Variants in LHFPL3 observed in about 807,000 individuals in gnomAD.
The protein encoded by LHFPL3 is LHFPL tetraspan subfamily member 3, also known as LHFPL tetraspan subfamily member 3 protein.
A neutral mutation model predicts 19.3 loss-of-function variants in LHFPL3; 5 were observed. That is an observed-to-expected ratio of 0.26 (90% confidence interval 0.14 to 0.54). LHFPL3 has a LOEUF of 0.54. Ranked by LOEUF, LHFPL3 falls within the 20% of genes least tolerant of loss-of-function variation. The pLI is 0.94. For synonymous variants in LHFPL3, 133 were observed against 126.2 expected (o/e 1.05, Z -0.36); for missense variants, 249 against 307.4 (o/e 0.81, Z 1.42).
At chr7:104,828,486 C>T (rs1420904320) in intron 2 of LHFPL3, among the ~76,000 whole-genome samples, 3 of 151,900 alleles carry the variant, frequency 2.0e-5, no homozygotes, top group African/African-American at 4.9e-5. Flanking sequence ...ACCAAGAGAC[C>T]CAGATGCCCA....
At chr7:104,579,109 C>G (rs1790403763) in intron 1 of LHFPL3, among the ~76,000 whole-genome samples, 1 of 152,106 alleles carries the variant, frequency 6.6e-6, no homozygotes, top group Non-Finnish European at 1.5e-5. Context: ...ATTATTTTAA[C>G]TGTAGTATTC....
At chr7:104,623,014 G>T in intron 1 of LHFPL3, 2 of 375,672 alleles carry the variant, frequency 5.3e-6, no homozygotes, top group African/African-American at 2.1e-5. Context: ...TTTTTGATTT[G>T]CATTTCCCTG....
At chr7:104,736,544 T>G in intron 1 of LHFPL3, 131 bp from the exon 2 acceptor site, 36 of 647,052 alleles carry the variant, frequency 5.6e-5, no homozygotes, top group Non-Finnish European at 8.4e-5. Context: ...GTGACAGTGG[T>G]GAGATTTGCT....
intron 1 of LHFPL3, among the ~76,000 whole-genome samples, chr7:104,420,237 C>A (rs1366096293): frequency 2.0e-5 from 3 of 152,172 alleles, no homozygotes; most frequent in Non-Finnish European, 4.4e-5. Flanking sequence ...AACCAGAGGG[C>A]CACACTAGTA....
chr7:104,405,316 C>G (rs141328870), intron 1 of LHFPL3, among the ~76,000 whole-genome samples: 12 of 152,142 alleles, frequency 7.9e-5, no homozygotes, highest in Middle Eastern at 3.2e-3. Flanking sequence ...TTTCTCCTCC[C>G]TGCTTTTTTA....
At position 104,771,816 on chromosome 7, in the gene LHFPL3, C is replaced by CT. The variant is rs71155523; in HGVS notation, c.682+34931dup. 5.2e-3 allele frequency among the ~76,000 whole-genome samples: 396 copies of CT among 75,446 alleles called. 28 individuals carry two copies. The highest frequency in any genetic ancestry group is 7.9e-3 in the Non-Finnish European group (332 of 41,944). 49.5% of individuals were successfully genotyped at this position (75,446 alleles called of 152,430 possible). On this transcript the variant is annotated intron_variant, in intron 2 of 2. Coordinates refer to ENST00000424859, the MANE Select transcript of LHFPL3 (RefSeq NM_199000.3). ...ACTTATTAATTTTTCTTTTGCCTCT[C>CT]TTTTTTTTTTTTTTTTTTTTTTTTT...
chr7:104,855,328 G>A (rs891849311), intron 2 of LHFPL3, among the ~76,000 whole-genome samples: 1 of 152,136 alleles, frequency 6.6e-6, no homozygotes, highest in Non-Finnish European at 1.5e-5. Context: ...AGACTGATGG[G>A]CCTACCTACC....
intron 1 of LHFPL3, among the ~76,000 whole-genome samples, chr7:104,488,557 G>A (rs996003474): frequency 6.6e-6 from 1 of 152,048 alleles, no homozygotes; most frequent in Non-Finnish European, 1.5e-5. Context: ...CTCATCTTCA[G>A]ATCCTAAGAA....
chr7:104,598,475 C>T (rs945152063), intron 1 of LHFPL3, among the ~76,000 whole-genome samples: 4 of 152,152 alleles, frequency 2.6e-5, no homozygotes, highest in African/African-American at 9.7e-5. Flanking sequence ...GCAGTGGCTA[C>T]CAAGAGGTGG....
intron 1 of LHFPL3, among the ~76,000 whole-genome samples, chr7:104,604,925 C>T (rs756459470): frequency 5.3e-5 from 8 of 152,164 alleles, no homozygotes; most frequent in Non-Finnish European, 7.4e-5. Flanking sequence ...GGAATTGTTT[C>T]AAAATGGTCA....
chr7:104,547,612 G>T (rs569409188), intron 1 of LHFPL3, among the ~76,000 whole-genome samples: 1 of 152,280 alleles, frequency 6.6e-6, no homozygotes, highest in Admixed American at 6.5e-5. Context: ...TGCTGATGAT[G>T]GCAGAGGCAG....
intron 1 of LHFPL3, among the ~76,000 whole-genome samples, chr7:104,382,827 C>T (rs1446852068): frequency 6.6e-6 from 1 of 152,222 alleles, no homozygotes; most frequent in Non-Finnish European, 1.5e-5. Flanking sequence ...TTTCAGGGCT[C>T]TGGCACTCAC....
intron 2 of LHFPL3, among the ~76,000 whole-genome samples, chr7:104,818,916 G>T (rs1790621721): frequency 6.6e-6 from 1 of 151,898 alleles, no homozygotes; most frequent in African/African-American, 2.4e-5. Flanking sequence ...CTCTGGTAGT[G>T]CCATCATAGT....
intron 1 of LHFPL3, chr7:104,669,567 T>C (rs1373051883): frequency 9.3e-6 from 15 of 1,611,546 alleles, no homozygotes; most frequent in Non-Finnish European, 1.2e-5. Flanking sequence ...GAGAAGATTA[T>C]GCCAAATAGA....
At chr7:104,529,551 G>T (rs186796678) in intron 1 of LHFPL3, among the ~76,000 whole-genome samples, 1 of 152,260 alleles carries the variant, frequency 6.6e-6, no homozygotes, top group East Asian at 1.9e-4. Context: ...CGATGAGAAC[G>T]TATGTCAAAT....
intron 2 of LHFPL3, among the ~76,000 whole-genome samples, chr7:104,818,475 A>T (rs1247822777): frequency 1.3e-5 from 2 of 151,324 alleles, no homozygotes; most frequent in South Asian, 4.2e-4. Flanking sequence ...TGGGAGGCGG[A>T]GGTTGCAGTG....
At chr7:104,791,963 A>G (rs893736419) in intron 2 of LHFPL3, among the ~76,000 whole-genome samples, 1 of 152,196 alleles carries the variant, frequency 6.6e-6, no homozygotes, top group African/African-American at 2.4e-5. Flanking sequence ...GTTTGCCTGA[A>G]GGAGCTTCCC....
At chr7:104,729,330 C>G (rs1012304581) in intron 1 of LHFPL3, among the ~76,000 whole-genome samples, 2 of 152,036 alleles carry the variant, frequency 1.3e-5, no homozygotes, top group Admixed American at 6.6e-5. Flanking sequence ...ATAGTATATC[C>G]ATCACCTCAT....
chr7:104,769,438 A>G (rs1794511390), intron 2 of LHFPL3, among the ~76,000 whole-genome samples: 1 of 152,186 alleles, frequency 6.6e-6, no homozygotes, highest in South Asian at 2.1e-4. Context: ...AAACTTTTTG[A>G]CCTATAAAAA....
Sources: allele counts gnomAD v4.1 joint callset (sites outside exome capture counted in the v4.1 genomes callset), GRCh38; gene constraint gnomAD v4.1.1; transcripts MANE v1.5; gene names NCBI Gene and HGNC (gene_info 2026-07-23, HGNC 2026-07-21).